Variants in FBXO31 observed in about 807,000 individuals in gnomAD.
FBXO31 encodes F-box protein 31.
Under a neutral mutation model 54.4 loss-of-function variants are expected in FBXO31, and 24 were observed. The ratio of observed to expected loss-of-function variants is 0.44; its 90% confidence interval spans 0.32 to 0.62. FBXO31 has a LOEUF of 0.62. Among genes scored for constraint, FBXO31 ranks in the 20% least tolerant of loss-of-function variants. The probability of loss-of-function intolerance (pLI) is 0.05; values close to 1 mark genes in which losing one functional copy is unlikely to be tolerated. For synonymous variants in FBXO31, 388 were observed against 335.6 expected (o/e 1.16, Z -1.71); for missense variants, 665 against 787.1 (o/e 0.84, Z 1.86).
chr16:87,341,289 GT>G (rs954307383), intron 5 of FBXO31, among the ~76,000 whole-genome samples: 8 of 152,168 alleles, frequency 5.3e-5, no homozygotes, highest in Admixed American at 2.6e-4. Flanking sequence ...ATGTAATATG[GT>G]TTTCTTTTTT....
chr16:87,329,061 A>G lies in FBXO31; in HGVS notation c.*2227T>C, dbSNP rs993811693. On this transcript the variant is annotated 3_prime_UTR_variant, in exon 9 of 9. Transcript: ENST00000311635. ...GCGCAGATTCAGTGCCTGTCCCTAC[A>G]GAACCGGAGCCAAGAACTGGCTAAG... is the stretch of plus-strand genomic sequence containing the variant. The G allele has an allele frequency of 6.6e-6, 1 of 152,294 alleles. No individual in the cohort carries two copies. The highest frequency in any genetic ancestry group is 6.5e-5 in the Admixed American group (1 of 15,288). 9.4% of individuals were successfully genotyped at this position (152,294 alleles called of 1,614,324 possible).
upstream of FBXO31, among the ~76,000 whole-genome samples, chr16:87,391,238 CCGAGGCCGCCGCGAGCTATGAT>C (rs1387907575): frequency 6.6e-6 from 1 of 152,104 alleles, no homozygotes; most frequent in African/African-American, 2.4e-5. Flanking sequence ...GCCCAGGCGA[CCGAGGCCGCCGCGAGCTATGAT>C]CGTGCCACTG....
upstream of FBXO31, among the ~76,000 whole-genome samples, chr16:87,385,232 G>A (rs1248081913): frequency 1.3e-5 from 2 of 152,326 alleles, no homozygotes; most frequent in African/African-American, 2.4e-5. Context: ...GCCGAGGCGG[G>A]CAGATCATGA....
intron 1 of FBXO31, among the ~76,000 whole-genome samples, chr16:87,380,372 C>G (rs1907024762): frequency 6.6e-6 from 1 of 151,256 alleles, no homozygotes; most frequent in African/African-American, 2.4e-5. Flanking sequence ...TTGGGGATGG[C>G]CGGAAATATG....
rs8052386 is a variant in FBXO31 at position 87,368,714 on chromosome 16, G to A, written c.341-8348C>T. Among the ~76,000 whole-genome samples the A allele has an allele frequency of 5.9e-3, 899 of 151,368 alleles. 6 individuals carry two copies. The highest frequency in any genetic ancestry group is 0.02 in the African/African-American group (835 of 41,194). On this transcript the variant is annotated intron_variant, in intron 1 of 8. Coordinates refer to ENST00000311635, the MANE Select transcript of FBXO31 (RefSeq NM_024735.5). ...TCAGAAAGAGGAACAGATAACCTCA[G>A]TCCAACATGATTGGAGGTTGGCAAA...
At chr16:87,351,686 T>C (rs1905665990) in intron 2 of FBXO31, among the ~76,000 whole-genome samples, 1 of 152,124 alleles carries the variant, frequency 6.6e-6, no homozygotes. Flanking sequence ...CTGGCCAACA[T>C]GGTGAAATCC....
At chr16:87,377,712 C>T (rs1199659916) in intron 1 of FBXO31, among the ~76,000 whole-genome samples, 1 of 149,126 alleles carries the variant, frequency 6.7e-6, no homozygotes, top group African/African-American at 2.5e-5. Flanking sequence ...GCCTGTACTC[C>T]CAGCTTCTTG....
intron 1 of FBXO31, among the ~76,000 whole-genome samples, chr16:87,371,877 G>C (rs1479990322): frequency 6.6e-6 from 1 of 152,018 alleles, no homozygotes; most frequent in Non-Finnish European, 1.5e-5. Context: ...CCGGGTGCCA[G>C]ATTCACTTTT....
chr16:87,370,415 A>G (rs1047561196), intron 1 of FBXO31, among the ~76,000 whole-genome samples: 1 of 152,230 alleles, frequency 6.6e-6, no homozygotes, highest in Non-Finnish European at 1.5e-5. Flanking sequence ...GCACCACACT[A>G]AGATGCCATC....
At chr16:87,362,175 A>G (rs1178357075) in intron 1 of FBXO31, among the ~76,000 whole-genome samples, 1 of 152,206 alleles carries the variant, frequency 6.6e-6, no homozygotes, top group East Asian at 1.9e-4. Context: ...GTGAGCCACA[A>G]ATAGCATTCA....
chr16:87,372,373 G>A (rs1906639289), intron 1 of FBXO31, among the ~76,000 whole-genome samples: 1 of 152,086 alleles, frequency 6.6e-6, no homozygotes, highest in African/African-American at 2.4e-5. Context: ...AGAGGAAAAG[G>A]AAAAAGGCTT....
At chr16:87,355,413 T>A (rs1905849189) in intron 2 of FBXO31, among the ~76,000 whole-genome samples, 1 of 152,238 alleles carries the variant, frequency 6.6e-6, no homozygotes, top group Non-Finnish European at 1.5e-5. Context: ...AGCTGAATAC[T>A]GAAAACCCAC....
chr16:87,383,794 GC>G (rs1253856471), upstream of FBXO31: 11 of 1,143,972 alleles, frequency 9.6e-6, no homozygotes, highest in Non-Finnish European at 9.7e-6. This position sits in a 1 kb window ranked among gnomAD's most constrained non-coding sequence, Gnocchi z 4.9. Flanking sequence ...CTCCAGCGCG[GC>G]CCCGCCCCGC....
Position 87,333,986 on chromosome 16 carries a change from C to G in FBXO31, c.1297G>C (p.Ala433Pro). The change falls in exon 8 of 9, where the codon GCG (alanine) becomes CCG (proline). Residue 433 changes from alanine to proline, a missense_variant. Physicochemically the swap from Ala to Pro is conservative, Grantham distance 27 (BLOSUM62 -1). This residue lies in a region of FBXO31 where 165 missense variants were observed against 159.7 expected (regional missense o/e 1.03). Transcript: ENST00000311635. ...DGGEPGDAVA[A>P]AEQPAQCGQG... Reference sequence around the variant, plus strand: ...CCACACTGGGCAGGCTGCTCGGCCGCAGCTACGGCATCCCCAGGCTCGCCA... The same window carrying G: ...CCACACTGGGCAGGCTGCTCGGCCGGAGCTACGGCATCCCCAGGCTCGCCA... 1 of 1,612,852 alleles carries G rather than the reference C, an allele frequency of 6.2e-7. No homozygotes were observed. The highest frequency in any genetic ancestry group is 8.5e-7 in the Non-Finnish European group (1 of 1,179,848).
At chr16:87,381,207 TTACTAA>T (rs1277222695) in intron 1 of FBXO31, among the ~76,000 whole-genome samples, 1 of 152,142 alleles carries the variant, frequency 6.6e-6, no homozygotes, top group African/African-American at 2.4e-5. Context: ...AAATCTTGTA[TTACTAA>T]TACTCAGTTC....
At chr16:87,369,844 C>G (rs1280529225) in intron 1 of FBXO31, among the ~76,000 whole-genome samples, 1 of 151,318 alleles carries the variant, frequency 6.6e-6, no homozygotes, top group African/African-American at 2.4e-5. Flanking sequence ...GAGACTCCGT[C>G]TCAAAAATAA....
At chr16:87,360,055 A>C (rs1906066275) in intron 2 of FBXO31, among the ~76,000 whole-genome samples, 1 of 152,192 alleles carries the variant, frequency 6.6e-6, no homozygotes, top group Non-Finnish European at 1.5e-5. Context: ...CTCAGCTCTA[A>C]AGGGCCTCGA....
chr16:87,331,156 G>A lies in FBXO31; in HGVS notation c.*132C>T. On this transcript the variant is annotated 3_prime_UTR_variant, in exon 9 of 9. Coordinates refer to ENST00000311635, the MANE Select transcript of FBXO31 (RefSeq NM_024735.5). The stretch of plus-strand genomic sequence containing the variant: ...CTACATAAAGTGCTGGGGGGTGGCT[G>A]GACTGGGCCCCCCGACGAGGTGTGC... 1 of 792,182 alleles carries A rather than the reference G, an allele frequency of 1.3e-6. No homozygotes were observed. Among genetic ancestry groups the A allele is most frequent in the South Asian group, 1.7e-5 (1 of 57,882 alleles). 49.1% of individuals were successfully genotyped at this position (792,182 alleles called of 1,614,324 possible).
chr16:87,362,626 T>A (rs989720016), intron 1 of FBXO31: 6 of 152,448 alleles, frequency 3.9e-5, no homozygotes, highest in African/African-American at 1.4e-4. Context: ...ACTGGTGCAA[T>A]CTCGGGTCAC....
Sources: gnomAD v4.1 joint callset for allele counts (sites outside exome capture counted in the v4.1 genomes callset) on GRCh38, gnomAD v4.1.1 for gene constraint, gnomAD v4.1.1 regional missense constraint, Gnocchi (gnomAD v3.1) non-coding constraint, MANE v1.5 for transcripts, NCBI Gene and HGNC (gene_info 2026-07-23, HGNC 2026-07-21) for gene names.